The following PAQR3 variants were observed in gnomAD, a reference collection of about 807,000 sequenced individuals.
The protein encoded by PAQR3 is progestin and adipoQ receptor family member 3, also known as Raf kinase trapping to Golgi.
A neutral mutation model predicts 41.7 loss-of-function variants in PAQR3; 39 were observed. That is an observed-to-expected ratio of 0.93 (90% CI 0.72 to 1.22). The LOEUF (loss-of-function observed/expected upper bound fraction) is 1.22, where lower values mean the gene tolerates loss of function less well. Ranked by LOEUF, PAQR3 falls within the 50% of genes most tolerant of loss-of-function variation. The probability of loss-of-function intolerance (pLI) is 0.00; values close to 1 mark genes in which losing one functional copy is unlikely to be tolerated. For synonymous variants in PAQR3, 140 were observed against 140.6 expected, an observed-to-expected ratio of 1.00 and a Z score of 0.03; for missense variants, 366 against 385.6, an observed-to-expected ratio of 0.95 and a Z score of 0.42.
At chr4:78,926,480 G>GA (rs762890211) in intron 4 of PAQR3, 41 bp downstream of exon 4, 50,740 of 963,332 alleles carry the variant, frequency 0.053, no homozygotes, top group South Asian at 0.059. Context: ...AAATTGAAAG[G>GA]AAAAAAAAAA....
chr4:78,897,726 T>C (rs1054260549), intron 11 of PAQR3, among the ~76,000 whole-genome samples: 12 of 152,202 alleles, frequency 7.9e-5, no homozygotes, highest in African/African-American at 2.7e-4. Flanking sequence ...GTGCCTCTTA[T>C]TTCTTCTACC....
Position 78,928,515 on chromosome 4 carries a change from CCAGAT to C in PAQR3, c.504+1650_504+1654del, listed in dbSNP as rs1173913456. Among the ~76,000 whole-genome samples the C allele has an allele frequency of 5.9e-5, 9 of 152,222 alleles. No individual in the cohort carries two copies. The East Asian group carries it at 9.6e-4, about 16-fold the overall frequency. ...ATTTTTCTCTTCACTAATTTTCATA[CCAGAT>C]ATGTTGACAGTATTCTCTGTTATTG... is the stretch of plus-strand genomic sequence containing the variant. On this transcript the variant is annotated intron_variant, in intron 3 of 5. Transcript: ENST00000512733.
chr4:78,920,714 T>C (rs1199765785), intron 5 of PAQR3, 33 bp from the exon 6 acceptor site: 1 of 1,583,070 alleles, frequency 6.3e-7, no homozygotes. Flanking sequence ...ATGATAATGA[T>C]TTCAATATGT....
At position 78,926,588 on chromosome 4, in the gene PAQR3, C is replaced by T. The variant is rs772995297; in HGVS notation, c.635G>A (p.Gly212Glu). ...GTGAAGAGTAGGAATCACTCCATAT[C>T]CCGAAACAGAACAAAAGATGATAGA... ...LRSIIFCSVS[G>E]YGVIPTLHWV... The change falls in exon 4 of 6, where the codon GGA becomes GAA. Residue 212 changes from glycine (G) to glutamate (E), a missense_variant. Physicochemically the swap from Gly to Glu is moderately conservative, Grantham distance 98. Transcript: ENST00000512733. 6 of 1,614,002 alleles carry T rather than the reference C, an allele frequency of 3.7e-6. No individual in the cohort carries two copies. The highest frequency in any genetic ancestry group is 4.2e-6 in the Non-Finnish European group (5 of 1,179,930).
chr4:78,938,909 A>C, intron 1 of PAQR3, 131 bp downstream of exon 1: 1 of 834,294 alleles, frequency 1.2e-6, no homozygotes, highest in Non-Finnish European at 1.8e-6. Context: ...GGCGGCAAAA[A>C]GGGATGAAAA....
rs1734786879 is a variant in PAQR3 at position 78,913,521 on chromosome 4, TA to T, written c.*7017del. 6.6e-6 allele frequency: 1 copy of T among 152,188 alleles called. No homozygotes were observed. Among genetic ancestry groups the T allele is most frequent in the African/African-American group, 2.4e-5 (1 of 41,468 alleles). 9.4% of individuals were successfully genotyped at this position (152,188 alleles called of 1,614,324 possible). ...TGGAAGTTTCTAGAACAGTTAATGC[TA>T]TTTACAGAAAGGAGTAGAAACTCAT... On this transcript the variant is annotated 3_prime_UTR_variant, in exon 6 of 6. Coordinates refer to ENST00000512733, the MANE Select transcript of PAQR3 (RefSeq NM_001040202.2).
At chr4:78,896,817 T>C (rs1282488628) in intron 11 of PAQR3, among the ~76,000 whole-genome samples, 2 of 152,210 alleles carry the variant, frequency 1.3e-5, no homozygotes, top group Non-Finnish European at 2.9e-5. Flanking sequence ...CTTTATTGAA[T>C]ATCCTTACAC....
At chr4:78,887,670 A>T (rs914200779) in intron 12 of PAQR3, among the ~76,000 whole-genome samples, 1 of 152,174 alleles carries the variant, frequency 6.6e-6, no homozygotes, top group Non-Finnish European at 1.5e-5. Context: ...TATTTGTCAC[A>T]ATCACTTTGT....
Position 78,917,871 on chromosome 4 carries a change from G to A in PAQR3, c.*2668C>T, listed in dbSNP as rs912377561. 1.4e-5 allele frequency: 14 copies of A among 985,128 alleles called. No homozygotes were observed. Among genetic ancestry groups the A allele is most frequent in the East Asian group, 1.1e-4 (1 of 8,818 alleles). 61.0% of individuals were successfully genotyped at this position (985,128 alleles called of 1,614,324 possible). A position where few individuals can be genotyped will look rare whatever the true frequency, so the allele number is the denominator to read the frequency against. On this transcript the variant is annotated 3_prime_UTR_variant, in exon 6 of 6. Transcript: ENST00000512733. The stretch of plus-strand genomic sequence containing the variant: ...TGTGACAGACATTCCCTGAATCTTC[G>A]TTCCTGATTCTAAAATATGATTTTA...
downstream of PAQR3, chr4:78,910,876 A>G: frequency 6.2e-7 from 1 of 1,614,020 alleles, no homozygotes; most frequent in Non-Finnish European, 8.5e-7. Context: ...TGATGATGAT[A>G]CTGAACCAGA....
At chr4:78,896,215 A>G (rs953818001) in intron 11 of PAQR3, among the ~76,000 whole-genome samples, 1 of 152,190 alleles carries the variant, frequency 6.6e-6, no homozygotes, top group Non-Finnish European at 1.5e-5. Flanking sequence ...GAGATGGAAT[A>G]TTGGGCTTGG....
intron 11 of PAQR3, among the ~76,000 whole-genome samples, chr4:78,900,871 C>T (rs1287949682): frequency 6.6e-6 from 1 of 151,880 alleles, no homozygotes; most frequent in African/African-American, 2.4e-5. Flanking sequence ...TGTTTTATTC[C>T]ACAAGTTGAT....
chr4:78,927,984 CTGAG>C (rs568664494), intron 3 of PAQR3, among the ~76,000 whole-genome samples: 96 of 152,150 alleles, frequency 6.3e-4, no homozygotes, highest in Non-Finnish European at 1.3e-3. Flanking sequence ...TCTACAGCAA[CTGAG>C]TGTTTGAAAA....
At chr4:78,908,911 C>T (rs952951207), downstream of PAQR3, among the ~76,000 whole-genome samples, 9 of 152,044 alleles carry the variant, frequency 5.9e-5, no homozygotes, top group African/African-American at 2.4e-5. Flanking sequence ...ATGGTGCTGC[C>T]ATCCACCAAG....
intron 3 of PAQR3, 48 bp from the exon 4 acceptor site, chr4:78,926,766 G>T: frequency 6.4e-7 from 1 of 1,553,854 alleles, no homozygotes; most frequent in South Asian, 1.1e-5. Context: ...AACAATAAAG[G>T]AACTGAAAAA....
Position 78,937,749 on chromosome 4 carries a change from T to C in PAQR3, c.185+1291A>G, listed in dbSNP as rs1043970002. Among the ~76,000 whole-genome samples, 6 of 152,344 alleles carry C rather than the reference T, an allele frequency of 3.9e-5. No homozygotes were observed. In the East Asian group the frequency reaches 5.8e-4, roughly 15 times the overall value. ...TGGCAGATTTGGATACTAAAGTCTT[T>C]GACTCAATAGCTCAAGAGCTAATGC... On this transcript the variant is annotated intron_variant, in intron 1 of 5. Transcript: ENST00000512733.
downstream of PAQR3, among the ~76,000 whole-genome samples, chr4:78,908,778 G>T (rs1164107032): frequency 6.6e-6 from 1 of 151,958 alleles, no homozygotes; most frequent in Non-Finnish European, 1.5e-5. Flanking sequence ...TTGTGTGTGG[G>T]TACATAGTAG....
At chr4:78,909,055 CTTTTTTT>C (rs1053664659), downstream of PAQR3, among the ~76,000 whole-genome samples, 9 of 94,414 alleles carry the variant, frequency 9.5e-5, no homozygotes, top group South Asian at 2.0e-3. Context: ...TTCCCTTAGT[CTTTTTTT>C]TTTTTTTTTT....
intron 5 of PAQR3, chr4:78,921,645 T>C (rs1053954515): frequency 1.1e-5 from 11 of 977,110 alleles, no homozygotes; most frequent in Non-Finnish European, 1.3e-5. Context: ...TTGGGGACCC[T>C]TGGACCCATC....
Sources: gnomAD v4.1 joint callset for allele counts (sites outside exome capture counted in the v4.1 genomes callset) on GRCh38, gnomAD v4.1.1 for gene constraint, MANE v1.5 for transcripts, NCBI Gene and HGNC (gene_info 2026-07-23, HGNC 2026-07-21) for gene names.